Variants in BMP5 observed in about 807,000 individuals in gnomAD.
BMP5 encodes the protein bone morphogenetic protein 5.
Under a neutral mutation model 46.6 loss-of-function variants are expected in BMP5, and 23 were observed. That is an observed-to-expected ratio of 0.49 (90% CI 0.35 to 0.70). The LOEUF is 0.70. Ranked by LOEUF, BMP5 falls within the 30% of genes least tolerant of loss-of-function variation. BMP5 has a pLI of 0.00. For missense variants in BMP5, 545 were observed against 565.6 expected (o/e 0.96, Z 0.37); for synonymous variants, 204 against 191.9 (o/e 1.06, Z -0.52).
chr6:55,794,497 G>T (rs1259818596), intron 2 of BMP5, 70 bp from the exon 3 acceptor site: 1 of 1,489,656 alleles, frequency 6.7e-7, no homozygotes, highest in East Asian at 2.3e-5. Flanking sequence ...AGACTTAAGT[G>T]AAAACATTAC....
chr6:55,856,054 C>T (rs1435366294), intron 1 of BMP5, among the ~76,000 whole-genome samples: 1 of 151,154 alleles, frequency 6.6e-6, no homozygotes, highest in East Asian at 1.9e-4. Context: ...TCTTTCACCC[C>T]ACCTTTAATC....
chr6:55,870,692 T>G (rs913085545), intron 1 of BMP5, among the ~76,000 whole-genome samples: 1 of 152,146 alleles, frequency 6.6e-6, no homozygotes, highest in South Asian at 2.1e-4. Context: ...CAATGATGTC[T>G]TTCAAATCTG....
At chr6:55,818,966 A>T (rs1467422968) in intron 2 of BMP5, among the ~76,000 whole-genome samples, 1 of 152,120 alleles carries the variant, frequency 6.6e-6, no homozygotes, top group Admixed American at 6.6e-5. Flanking sequence ...AGACAGACAG[A>T]CAGACAGATA....
At chr6:55,822,294 T>C (rs904965116) in intron 1 of BMP5, among the ~76,000 whole-genome samples, 1 of 152,144 alleles carries the variant, frequency 6.6e-6, no homozygotes, top group African/African-American at 2.4e-5. Flanking sequence ...AACTACGAGT[T>C]TGTTTTCAAG....
intron 3 of BMP5, among the ~76,000 whole-genome samples, chr6:55,786,609 G>T (rs1161509619): frequency 2.0e-5 from 3 of 151,460 alleles, no homozygotes; most frequent in African/African-American, 4.8e-5. Context: ...CTATTCTTCT[G>T]CTGTCTTCCT....
chr6:55,840,877 A>G (rs984614656), intron 1 of BMP5, among the ~76,000 whole-genome samples: 12 of 152,156 alleles, frequency 7.9e-5, no homozygotes, highest in Non-Finnish European at 1.5e-4. Context: ...GGCTTCACTA[A>G]GCTTTTTAGA....
intron 1 of BMP5, among the ~76,000 whole-genome samples, chr6:55,846,519 T>C (rs1007915761): frequency 3.3e-5 from 5 of 151,980 alleles, no homozygotes; most frequent in African/African-American, 1.2e-4. Flanking sequence ...TTTTCTCAAC[T>C]TCTCTAGTAG....
chr6:55,778,456 G>C (rs1485569583), intron 3 of BMP5, among the ~76,000 whole-genome samples: 1 of 151,910 alleles, frequency 6.6e-6, no homozygotes, highest in Non-Finnish European at 1.5e-5. Context: ...ATAATACTTG[G>C]ATTATGAAAT....
chr6:55,858,233 T>C (rs1777446420), intron 1 of BMP5, among the ~76,000 whole-genome samples: 1 of 152,216 alleles, frequency 6.6e-6, no homozygotes, highest in Non-Finnish European at 1.5e-5. Flanking sequence ...AACACCTCAT[T>C]CTTCTCAATT....
intron 3 of BMP5, among the ~76,000 whole-genome samples, chr6:55,784,147 G>A (rs917909970): frequency 1.3e-5 from 2 of 151,858 alleles, no homozygotes; most frequent in African/African-American, 4.8e-5. Context: ...AGTGTAAGAT[G>A]TTCTTAAGTA....
intron 4 of BMP5, among the ~76,000 whole-genome samples, chr6:55,772,150 A>G (rs1478237837): frequency 2.0e-5 from 3 of 150,370 alleles, no homozygotes; most frequent in African/African-American, 7.5e-5. Flanking sequence ...CAAAATTTCA[A>G]AAAGAAAATA....
At chr6:55,856,765 T>C (rs1415920564) in intron 1 of BMP5, among the ~76,000 whole-genome samples, 2 of 152,136 alleles carry the variant, frequency 1.3e-5, no homozygotes, top group Non-Finnish European at 2.9e-5. Flanking sequence ...CATGATTTCA[T>C]ACATATCAAT....
chr6:55,806,964 TGGG>T (rs1245287576), intron 2 of BMP5, among the ~76,000 whole-genome samples: 1 of 152,172 alleles, frequency 6.6e-6, no homozygotes, highest in African/African-American at 2.4e-5. Context: ...TTAAGGAGTT[TGGG>T]GGCTGAGACA....
intron 5 of BMP5, 29 bp from the exon 6 acceptor site, chr6:55,759,144 CAAAAAAAAAAAAAAAAAAAAAAAAAAA>C: frequency 2.4e-5 from 2 of 84,130 alleles, no homozygotes; most frequent in Non-Finnish European, 4.2e-5. Flanking sequence ...CACACACACA[CAAAAAAAAAAAAAAAAAAAAAAAAAAA>C]AAAAAAAAAA....
chr6:55,819,995 T>C (rs1776370180), intron 1 of BMP5, 148 bp from the exon 2 acceptor site: 2 of 720,008 alleles, frequency 2.8e-6, no homozygotes, highest in South Asian at 3.7e-5. Flanking sequence ...CTGAAACGTG[T>C]TTCCAGTTAA....
intron 1 of BMP5, among the ~76,000 whole-genome samples, chr6:55,856,703 A>T (rs1777406788): frequency 1.3e-5 from 2 of 152,082 alleles, no homozygotes; most frequent in Admixed American, 6.5e-5. Context: ...TTTTACACTT[A>T]CATACCACCC....
chr6:55,815,027 G>A (rs1039022978), intron 2 of BMP5, among the ~76,000 whole-genome samples: 2 of 151,698 alleles, frequency 1.3e-5, no homozygotes, highest in Non-Finnish European at 2.9e-5. Flanking sequence ...CAGCTACTCA[G>A]GAGTCTGAGG....
chr6:55,838,778 T>G (rs1046548741), intron 1 of BMP5, among the ~76,000 whole-genome samples: 1 of 152,218 alleles, frequency 6.6e-6, no homozygotes, highest in African/African-American at 2.4e-5. Flanking sequence ...ATAGAATCAT[T>G]TATTTTCATG....
intron 4 of BMP5, 119 bp downstream of exon 4, chr6:55,773,930 G>T: frequency 9.0e-7 from 1 of 1,107,980 alleles, no homozygotes; most frequent in South Asian, 1.3e-5. Context: ...AACATCACTG[G>T]AAGATTTAAT....
Sources: gnomAD v4.1 joint callset for allele counts (sites outside exome capture counted in the v4.1 genomes callset) on GRCh38, gnomAD v4.1.1 for gene constraint, MANE v1.5 for transcripts, NCBI Gene and HGNC (gene_info 2026-07-23, HGNC 2026-07-21) for gene names.